WDR72: variants seen among roughly 807,000 people sequenced by gnomAD.
WDR72 encodes WD repeat-containing protein 72.
In WDR72, 120 loss-of-function variants were observed where a neutral mutation model predicts 124.2. The ratio of observed to expected loss-of-function variants is 0.97; its 90% CI spans 0.83 to 1.12. The LOEUF (loss-of-function observed/expected upper bound fraction) is 1.12. WDR72 is among the 50% of genes most tolerant of loss of function. The pLI is 0.00. For missense variants in WDR72, 1,387 were observed against 1,278.8 expected (o/e 1.08, Z -1.29); for synonymous variants, 452 against 441.7 (o/e 1.02, Z -0.29).
intron 18 of WDR72, among the ~76,000 whole-genome samples, chr15:53,545,439 C>A (rs1219850879): frequency 6.7e-6 from 1 of 150,208 alleles, no homozygotes; most frequent in Non-Finnish European, 1.5e-5. Flanking sequence ...ATAAACGGTG[C>A]TGGGAAAACT....
At chr15:53,735,089 T>C (rs1013865322) in intron 1 of WDR72, among the ~76,000 whole-genome samples, 2 of 152,044 alleles carry the variant, frequency 1.3e-5, no homozygotes, top group Non-Finnish European at 2.9e-5. Context: ...AACCCAGCAG[T>C]TCAGGACCAG....
At chr15:53,604,610 AC>A (rs60973753) in intron 17 of WDR72, among the ~76,000 whole-genome samples, 46,588 of 152,030 alleles carry the variant, frequency 0.31, 7,338 homozygotes, top group Admixed American at 0.4. Context: ...TCCAGAGTCT[AC>A]AAAGAACTTA....
intron 13 of WDR72, among the ~76,000 whole-genome samples, chr15:53,669,616 C>T (rs1179252885): frequency 6.6e-6 from 1 of 152,074 alleles, no homozygotes; most frequent in Non-Finnish European, 1.5e-5. Flanking sequence ...TGACAAATCA[C>T]TTATGATGCA....
At position 53,689,425 on chromosome 15, in the gene WDR72, C is replaced by A. The variant is rs556099131; in HGVS notation, c.1765+10325G>T. On this transcript the variant is annotated intron_variant, in intron 13 of 19. Transcript: ENST00000360509. ...GCAAAGGACATGAACAGACACTTCT[C>A]AAAAGAAGACATTTATGCAGCCAAA... Among the ~76,000 whole-genome samples, 801 of 149,520 alleles carry A rather than the reference C, an allele frequency of 5.4e-3. 26 individuals are homozygous for A. Among genetic ancestry groups the A allele is most frequent in the African/African-American group, 0.019 (762 of 39,392 alleles).
chr15:53,738,617 A>G (rs1176752040), intron 1 of WDR72, among the ~76,000 whole-genome samples: 1 of 151,954 alleles, frequency 6.6e-6, no homozygotes, highest in Non-Finnish European at 1.5e-5. Flanking sequence ...TTTGTTTGAG[A>G]TGGAGTCTCG....
chr15:53,730,691 G>C (rs1045391245), intron 2 of WDR72, among the ~76,000 whole-genome samples: 1 of 152,102 alleles, frequency 6.6e-6, no homozygotes, highest in Non-Finnish European at 1.5e-5. Context: ...CGGTGACTCA[G>C]TCAACCATGT....
At chr15:53,635,599 A>G (rs2014592679) in intron 14 of WDR72, among the ~76,000 whole-genome samples, 1 of 152,152 alleles carries the variant, frequency 6.6e-6, no homozygotes, top group Non-Finnish European at 1.5e-5. Context: ...ACAGAAAACC[A>G]AATACCACAT....
chr15:53,665,512 A>G (rs2015746734), intron 14 of WDR72, 60 bp downstream of exon 14: 1 of 1,588,362 alleles, frequency 6.3e-7, no homozygotes, highest in African/African-American at 1.3e-5. Context: ...TTATGAATGC[A>G]TATAACTTCT....
chr15:53,690,473 T>C (rs2016802934), intron 13 of WDR72, among the ~76,000 whole-genome samples: 1 of 152,176 alleles, frequency 6.6e-6, no homozygotes, highest in Non-Finnish European at 1.5e-5. Flanking sequence ...CAACCACCGA[T>C]CTGCTTTCTG....
chr15:53,746,987 A>T (rs2018659181), intron 1 of WDR72, among the ~76,000 whole-genome samples: 1 of 152,226 alleles, frequency 6.6e-6, no homozygotes, highest in Admixed American at 6.5e-5. Flanking sequence ...GAAGGAACAA[A>T]GAACTCAAGG....
intron 18 of WDR72, among the ~76,000 whole-genome samples, chr15:53,581,176 T>C (rs578076665): frequency 1.3e-5 from 2 of 152,194 alleles, no homozygotes; most frequent in East Asian, 3.9e-4. Flanking sequence ...TGTTTAATGT[T>C]AGTACTTAGC....
chr15:53,649,768 T>C (rs778917870), intron 14 of WDR72, among the ~76,000 whole-genome samples: 17 of 151,964 alleles, frequency 1.1e-4, no homozygotes, highest in Non-Finnish European at 2.2e-4. Flanking sequence ...TATTATTAAA[T>C]GAAAACAAAA....
intron 13 of WDR72, among the ~76,000 whole-genome samples, chr15:53,670,106 T>C (rs1024259956): frequency 6.6e-6 from 1 of 152,168 alleles, no homozygotes; most frequent in Admixed American, 6.5e-5. Context: ...TAAAATCTAT[T>C]GTAAGTAAAA....
At chr15:53,689,986 T>G (rs1048858624) in intron 13 of WDR72, among the ~76,000 whole-genome samples, 9 of 145,888 alleles carry the variant, frequency 6.2e-5, no homozygotes, top group African/African-American at 2.0e-4. Context: ...AAACACCGCA[T>G]ATTCTCACTC....
chr15:53,674,953 A>T (rs2016116399), intron 13 of WDR72, among the ~76,000 whole-genome samples: 1 of 152,168 alleles, frequency 6.6e-6, no homozygotes, highest in African/African-American at 2.4e-5. Context: ...AGAAAAAAAA[A>T]GGATTGAAAC....
At chr15:53,606,071 T>C (rs1029321362) in intron 17 of WDR72, among the ~76,000 whole-genome samples, 3 of 152,150 alleles carry the variant, frequency 2.0e-5, no homozygotes, top group Admixed American at 6.6e-5. Flanking sequence ...GTAAATTCTC[T>C]GGTAGTCTTT....
chr15:53,696,692 G>A (rs2017013567), intron 13 of WDR72, among the ~76,000 whole-genome samples: 1 of 152,224 alleles, frequency 6.6e-6, no homozygotes, highest in South Asian at 2.1e-4. Flanking sequence ...ATCAAGTGCA[G>A]TAAACATGAT....
At chr15:53,668,426 C>T (rs1285283917) in intron 13 of WDR72, among the ~76,000 whole-genome samples, 1 of 152,148 alleles carries the variant, frequency 6.6e-6, no homozygotes, top group African/African-American at 2.4e-5. Flanking sequence ...AAAATTCTGA[C>T]AGTGGATGGG....
chr15:53,657,608 C>G (rs561254467), intron 14 of WDR72, among the ~76,000 whole-genome samples: 7 of 152,212 alleles, frequency 4.6e-5, no homozygotes, highest in African/African-American at 1.7e-4. Flanking sequence ...TCTTAGATTT[C>G]TATGTCTCTT....
Sources: gnomAD v4.1 joint callset for allele counts (sites outside exome capture counted in the v4.1 genomes callset) on GRCh38, gnomAD v4.1.1 for gene constraint, MANE v1.5 for transcripts, NCBI Gene and HGNC (gene_info 2026-07-23, HGNC 2026-07-21) for gene names.